Variants in ACOX3 observed in about 807,000 individuals in gnomAD.
The protein encoded by ACOX3 is peroxisomal acyl-coenzyme A oxidase 3.
Under a neutral mutation model 81.5 loss-of-function variants are expected in ACOX3, and 73 were observed. The ratio of observed to expected loss-of-function variants is 0.90; its 90% confidence interval spans 0.74 to 1.09. ACOX3 has a LOEUF of 1.09. Among genes scored for constraint, ACOX3 ranks in the 50% least tolerant of loss-of-function variants. The pLI is 0.00. For missense variants in ACOX3, 947 were observed against 928.0 expected (o/e 1.02, Z -0.27); for synonymous variants, 387 against 375.1 (o/e 1.03, Z -0.37).
At chr4:8,364,711 T>G (rs924184062), downstream of ACOX3, among the ~76,000 whole-genome samples, 3 of 152,232 alleles carry the variant, frequency 2.0e-5, no homozygotes, top group African/African-American at 7.2e-5. The surrounding 1 kb of genome is among the most constrained non-coding windows in gnomAD (Gnocchi z 5.0). Context: ...CTGTAAACCT[T>G]GAACATACCC....
In ACOX3 at chr4:8,431,791, T is replaced by A. The variant is rs977293040; in HGVS notation, c.-15+8857A>T. On this transcript the variant is annotated intron_variant, in intron 1 of 17. Transcript: ENST00000356406. The surrounding 1 kb of genome is among the most constrained non-coding windows in gnomAD (Gnocchi z 5.3). ...TTTATCTTGACTTCTGTCCCACTTC[T>A]GCTCCCTTCGGCACACCGATTCCCT... is the stretch of plus-strand genomic sequence containing the variant. Among the ~76,000 whole-genome samples, 3 of 152,246 alleles carry A rather than the reference T, an allele frequency of 2.0e-5. No individual in the cohort carries two copies. Among genetic ancestry groups the A allele is most frequent in the Non-Finnish European group, 4.4e-5 (3 of 68,042 alleles).
rs371627136 is a variant in ACOX3 at position 8,414,201 on chromosome 4, G to GT, written c.543+90dup. The GT allele has an allele frequency of 0.022, 20,624 of 944,222 alleles. No homozygotes were observed. Among genetic ancestry groups the GT allele is most frequent in the Middle Eastern group, 0.026 (95 of 3,702 alleles). 58.5% of individuals were successfully genotyped at this position (944,222 alleles called of 1,614,324 possible). A position where few individuals can be genotyped will look rare whatever the true frequency, so the allele number is the denominator to read the frequency against. On this transcript the variant is annotated intron_variant, in intron 5 of 17. Coordinates refer to ENST00000356406, the MANE Select transcript of ACOX3 (RefSeq NM_003501.3). The surrounding 1 kb of genome is among the most constrained non-coding windows in gnomAD (Gnocchi z 6.1). ...ATGTGGACAGGCCTCTTGCTTTAAT[G>GT]TTTTTTTTTTCTTATTCTGGGCAAC...
Position 8,431,867 on chromosome 4 carries a change from T to C in ACOX3, c.-15+8781A>G, listed in dbSNP as rs924959013. ...TGACTGTCATTGGCCATTGTTGTTATGTGCACACATTGTTAAAGCTAAAGT... is the reference window on the plus strand; with the variant it reads ...TGACTGTCATTGGCCATTGTTGTTACGTGCACACATTGTTAAAGCTAAAGT... On this transcript the variant is annotated intron_variant, in intron 1 of 17. Coordinates refer to ENST00000356406, the MANE Select transcript of ACOX3 (RefSeq NM_003501.3). The surrounding 1 kb of genome is among the most constrained non-coding windows in gnomAD (Gnocchi z 5.3). 6.6e-6 allele frequency among the ~76,000 whole-genome samples: 1 copy of C among 152,250 alleles called. No homozygotes were observed. Among genetic ancestry groups the C allele is most frequent in the African/African-American group, 2.4e-5 (1 of 41,462 alleles).
rs963971237 is a variant in ACOX3, at chr4:8,400,395, A to G, written c.777-743T>C. Among the ~76,000 whole-genome samples the G allele has an allele frequency of 4.6e-5, 7 of 152,238 alleles. No homozygotes were observed. The highest frequency in any genetic ancestry group is 4.6e-4 in the Admixed American group (7 of 15,284). On this transcript the variant is annotated intron_variant, in intron 7 of 17. Coordinates refer to ENST00000356406, the MANE Select transcript of ACOX3 (RefSeq NM_003501.3). The surrounding 1 kb of genome is among the most constrained non-coding windows in gnomAD (Gnocchi z 4.4). ...TTGGAATCTCTGATTCTCATATTTC[A>G]ATCTTAAACCAGAACCCACAGTGTA...
rs1478013543 is a variant in ACOX3 at position 8,394,883 on chromosome 4, C to T, written c.1057-141G>A. 2.5e-5 allele frequency: 29 copies of T among 1,161,796 alleles called. No individual in the cohort carries two copies. The highest frequency in any genetic ancestry group is 5.7e-5 in the Admixed American group (2 of 34,876). The allele number at this position is 1,161,796 out of a possible 1,614,324, so 72.0% of individuals were successfully genotyped here. A position where few individuals can be genotyped will look rare whatever the true frequency, so the allele number is the denominator to read the frequency against. ...CGCTGAAGGTCTTCACATGTCTTCC[C>T]GGCACATCAGAAAGCCTTCACCCTG... On this transcript the variant is annotated intron_variant, in intron 9 of 17. Transcript: ENST00000356406. This position sits in a 1 kb window ranked among gnomAD's most constrained non-coding sequence, Gnocchi z 5.9.
At chr4:8,363,235 G>A (rs377353251), downstream of ACOX3, among the ~76,000 whole-genome samples, 37 of 152,334 alleles carry the variant, frequency 2.4e-4, no homozygotes, top group African/African-American at 8.2e-4. Context: ...AACATGCCCA[G>A]TTCATGGAAA....
rs532574439 is a variant in ACOX3 at position 8,366,898 on chromosome 4, G to A, written c.*63C>T. 12 of 1,586,832 alleles carry A rather than the reference G, an allele frequency of 7.6e-6. No homozygotes were observed. In the South Asian group the frequency reaches 1.2e-4, roughly 16 times the overall value. ...CCGGCGTGTTCTGGAATCAGAAGTT[G>A]AGGTCCACGTCTGATTAGTTCCCTT... is the stretch of plus-strand genomic sequence containing the variant. On this transcript the variant is annotated 3_prime_UTR_variant, in exon 18 of 18. Coordinates refer to ENST00000356406, the MANE Select transcript of ACOX3 (RefSeq NM_003501.3).
At chr4:8,360,463 CTTCT>C in the ACOX3 span, among the ~76,000 whole-genome samples, 74 of 128,376 alleles carry the variant, frequency 5.8e-4, no homozygotes, top group African/African-American at 2.2e-3. Context: ...TCATAAACTG[CTTCT>C]TTGACTTTTT....
At position 8,432,526 on chromosome 4, in the gene ACOX3, C is replaced by A. The variant is rs1028530466; in HGVS notation, c.-15+8122G>T. On this transcript the variant is annotated intron_variant, in intron 1 of 17. Coordinates refer to ENST00000356406, the MANE Select transcript of ACOX3 (RefSeq NM_003501.3). The surrounding 1 kb of genome is among the most constrained non-coding windows in gnomAD (Gnocchi z 6.2). Reference sequence around the variant, plus strand: ...GGGATTACAGGCGTGAGCCACCGCGCCCGGCCTGATTTTTTTTTTTAATTA... The same window carrying A: ...GGGATTACAGGCGTGAGCCACCGCGACCGGCCTGATTTTTTTTTTTAATTA... Among the ~76,000 whole-genome samples, 1 of 152,130 alleles carries A rather than the reference C, an allele frequency of 6.6e-6. No homozygotes were observed. Among genetic ancestry groups the A allele is most frequent in the South Asian group, 2.1e-4 (1 of 4,828 alleles).
intron 10 of ACOX3, among the ~76,000 whole-genome samples, chr4:8,393,789 C>G (rs547764671): frequency 1.1e-4 from 17 of 152,262 alleles, no homozygotes; most frequent in African/African-American, 4.1e-4. Flanking sequence ...CCCTTTACAA[C>G]ATTATTCACA....
chr4:8,433,622 G>A (rs775483633), intron 1 of ACOX3, among the ~76,000 whole-genome samples: 18 of 152,228 alleles, frequency 1.2e-4, no homozygotes, highest in Non-Finnish European at 2.2e-4. Flanking sequence ...GGGAGGATAC[G>A]TCTCATTTGC....
intron 13 of ACOX3, among the ~76,000 whole-genome samples, chr4:8,387,543 T>A (rs946444984): frequency 6.6e-6 from 1 of 152,148 alleles, no homozygotes; most frequent in Non-Finnish European, 1.5e-5. Flanking sequence ...TACTGCTGAG[T>A]GAGGCGATGG....
chr4:8,375,177 G>A (rs577714622), intron 14 of ACOX3, 25 bp from the exon 15 acceptor site: 40 of 1,510,356 alleles, frequency 2.6e-5, no homozygotes, highest in Admixed American at 4.3e-5. Flanking sequence ...GGCACCGTGA[G>A]GACCGTGAGG....
At chr4:8,410,831 C>T (rs1424135240) in intron 5 of ACOX3, among the ~76,000 whole-genome samples, 3 of 152,218 alleles carry the variant, frequency 2.0e-5, no homozygotes. Flanking sequence ...CCGTGATTGA[C>T]AGTTATATCC....
chr4:8,375,182 G>A (rs1016796691), intron 14 of ACOX3, 30 bp from the exon 15 acceptor site: 9 of 1,507,810 alleles, frequency 6.0e-6, no homozygotes, highest in South Asian at 4.9e-5. Flanking sequence ...CGTGAGGACC[G>A]TGAGGGTCCC....
intron 17 of ACOX3, among the ~76,000 whole-genome samples, chr4:8,369,788 C>G (rs1032656459): frequency 6.6e-6 from 1 of 152,224 alleles, no homozygotes; most frequent in Admixed American, 6.5e-5. Flanking sequence ...GGCAGAGACC[C>G]AGGTGCTTCA....
chr4:8,376,613 GT>G (rs1181362376), intron 14 of ACOX3, among the ~76,000 whole-genome samples: 2 of 152,140 alleles, frequency 1.3e-5, no homozygotes, highest in Non-Finnish European at 2.9e-5. Flanking sequence ...AGGCTGACTG[GT>G]CCTGTCCCAA....
At position 8,437,388 on chromosome 4, in the gene ACOX3, A is replaced by G. The variant is rs1724317739; in HGVS notation, c.-15+3260T>C. On this transcript the variant is annotated intron_variant, in intron 1 of 17. Coordinates refer to ENST00000356406, the MANE Select transcript of ACOX3 (RefSeq NM_003501.3). This position sits in a 1 kb window ranked among gnomAD's most constrained non-coding sequence, Gnocchi z 5.2. ...GAGGAGGCTAGAGACCGGTGCCAAG[A>G]GAAGAGCAAAACAAAAAGAAAGACT... Among the ~76,000 whole-genome samples the G allele has an allele frequency of 6.6e-6, 1 of 152,128 alleles. No homozygotes were observed. Among genetic ancestry groups the G allele is most frequent in the Admixed American group, 6.5e-5 (1 of 15,272 alleles).
At chr4:8,425,666 T>A (rs113206849) in intron 1 of ACOX3, among the ~76,000 whole-genome samples, 8,440 of 149,648 alleles carry the variant, frequency 0.056, 416 homozygotes, top group African/African-American at 0.13. Context: ...TTTACCCACA[T>A]GCCCAAATCT....
Sources: gnomAD v4.1 joint callset for allele counts (sites outside exome capture counted in the v4.1 genomes callset) on GRCh38, gnomAD v4.1.1 for gene constraint, Gnocchi (gnomAD v3.1) non-coding constraint, MANE v1.5 for transcripts, NCBI Gene and HGNC (gene_info 2026-07-23, HGNC 2026-07-21) for gene names.